The following NSRP1 variants were observed in gnomAD, a reference collection of about 807,000 sequenced individuals.
NSRP1 encodes the protein nuclear speckle splicing regulatory protein 1.
In NSRP1, 24 loss-of-function variants were observed where a neutral mutation model predicts 54.7. That is an observed-to-expected ratio of 0.44 (90% CI 0.32 to 0.62). The LOEUF is 0.62. Ranked by LOEUF, NSRP1 falls within the 20% of genes least tolerant of loss-of-function variation. NSRP1 has a pLI of 0.06. For missense variants in NSRP1, 596 were observed against 651.2 expected, an observed-to-expected ratio of 0.92 and a Z score of 0.92; for synonymous variants, 210 against 213.8, an observed-to-expected ratio of 0.98 and a Z score of 0.15.
intron 2 of NSRP1, among the ~76,000 whole-genome samples, chr17:30,129,549 A>G (rs185601179): frequency 4.4e-4 from 67 of 152,272 alleles, no homozygotes; most frequent in African/African-American, 1.6e-3. Context: ...ATCTTTTTAA[A>G]AATTTTCTTG....
At chr17:30,127,995 T>C (rs1294113149) in intron 2 of NSRP1, 2 of 395,744 alleles carry the variant, frequency 5.1e-6, no homozygotes, top group Non-Finnish European at 8.9e-6. Flanking sequence ...CCACCATGCC[T>C]GGCTAATTTT....
intron 3 of NSRP1, 114 bp from the exon 4 acceptor site, chr17:30,177,957 G>A (rs1193434714): frequency 2.5e-6 from 3 of 1,218,768 alleles, no homozygotes; most frequent in Admixed American, 3.7e-5. Flanking sequence ...CTAAAAATGT[G>A]ATTGTAATTT....
intron 2 of NSRP1, among the ~76,000 whole-genome samples, chr17:30,132,821 T>C (rs2071713561): frequency 6.6e-6 from 1 of 152,238 alleles, no homozygotes; most frequent in Non-Finnish European, 1.5e-5. Context: ...CCTCCACCCA[T>C]GAATCACAAG....
chr17:30,162,262 C>T (rs1904546377), intron 2 of NSRP1, among the ~76,000 whole-genome samples: 1 of 152,168 alleles, frequency 6.6e-6, no homozygotes, highest in Admixed American at 6.5e-5. Context: ...GATCTCCCAA[C>T]CTCATGATCC....
At chr17:30,134,814 A>G (rs1313508264) in intron 2 of NSRP1, among the ~76,000 whole-genome samples, 1 of 152,220 alleles carries the variant, frequency 6.6e-6, no homozygotes, top group Non-Finnish European at 1.5e-5. Context: ...ACTGGCAAAG[A>G]TCAGGTTGAC....
chr17:30,176,451 A>T (rs1905128386), intron 3 of NSRP1, among the ~76,000 whole-genome samples: 1 of 152,042 alleles, frequency 6.6e-6, no homozygotes, highest in Non-Finnish European at 1.5e-5. Flanking sequence ...TCTACTAAAA[A>T]TACAAAAAAT....
intron 1 of NSRP1, chr17:30,117,404 C>T: frequency 4.3e-6 from 2 of 459,806 alleles, no homozygotes; most frequent in South Asian, 4.7e-5. Flanking sequence ...GAAAGTTTTA[C>T]CTTTGATGTG....
intron 2 of NSRP1, among the ~76,000 whole-genome samples, chr17:30,162,083 G>A (rs866555295): frequency 4.0e-5 from 6 of 149,612 alleles, no homozygotes; most frequent in South Asian, 2.1e-4. Context: ...GTGCAGTGGC[G>A]CAGTCTCAGC....
chr17:30,137,667 C>T (rs1011494108), intron 2 of NSRP1, among the ~76,000 whole-genome samples: 25 of 152,154 alleles, frequency 1.6e-4, no homozygotes, highest in African/African-American at 6.0e-4. Context: ...AGTTGCTAAA[C>T]ATTTTAATTA....
At chr17:30,117,938 A>C (rs1318297670) in intron 1 of NSRP1, 142 bp from the exon 2 acceptor site, 2 of 618,748 alleles carry the variant, frequency 3.2e-6, no homozygotes, top group South Asian at 2.3e-5. Context: ...GAGATCACTG[A>C]GAAGCAAAAA....
chr17:30,163,679 CTTTTTT>C (rs370423700), intron 2 of NSRP1, among the ~76,000 whole-genome samples: 8 of 90,876 alleles, frequency 8.8e-5, no homozygotes, highest in African/African-American at 1.6e-4. Context: ...ACTTTGACCA[CTTTTTT>C]TTTTTTTTTT....
intron 4 of NSRP1, 23 bp from the exon 5 acceptor site, chr17:30,179,067 C>T: frequency 1.4e-6 from 2 of 1,384,650 alleles, no homozygotes; most frequent in East Asian, 2.5e-5. Context: ...TACTCTTTTC[C>T]TAAATCTTTT....
intron 2 of NSRP1, among the ~76,000 whole-genome samples, chr17:30,171,966 ACACACACTCC>A (rs1472192951): frequency 7.7e-6 from 1 of 129,152 alleles, no homozygotes; most frequent in African/African-American, 2.9e-5. Flanking sequence ...ACACACACAC[ACACACACTCC>A]CTCTCTCTCT....
At chr17:30,122,351 T>TATATATATATA (rs1567788455) in intron 2 of NSRP1, 12 of 48,324 alleles carry the variant, frequency 2.5e-4, no homozygotes, top group African/African-American at 1.2e-3. Context: ...AACTCTGGTT[T>TATATATATATA]CATATATATA....
At chr17:30,175,309 C>G (rs1905090428) in intron 3 of NSRP1, among the ~76,000 whole-genome samples, 1 of 152,146 alleles carries the variant, frequency 6.6e-6, no homozygotes, top group African/African-American at 2.4e-5. Flanking sequence ...TTTGACCCAT[C>G]TATTATTAAT....
At chr17:30,143,117 CA>C in intron 2 of NSRP1, among the ~76,000 whole-genome samples, 1 of 152,262 alleles carries the variant, frequency 6.6e-6, no homozygotes, top group Non-Finnish European at 1.5e-5. Flanking sequence ...TGATATTACC[CA>C]TTCCAACTTT....
chr17:30,136,954 A>G (rs2071756178), intron 2 of NSRP1, among the ~76,000 whole-genome samples: 2 of 152,158 alleles, frequency 1.3e-5, no homozygotes, highest in African/African-American at 2.4e-5. Context: ...AAACTCTTCT[A>G]TTACTTGTAA....
chr17:30,176,606 T>TC (rs1555583104), intron 3 of NSRP1, among the ~76,000 whole-genome samples: 4,023 of 81,488 alleles, frequency 0.049, 107 homozygotes, highest in Non-Finnish European at 0.077. Context: ...CAAGACTTCG[T>TC]CCCCCCCCCC....
At chr17:30,176,869 T>G (rs546505866) in intron 3 of NSRP1, among the ~76,000 whole-genome samples, 2 of 152,310 alleles carry the variant, frequency 1.3e-5, no homozygotes, top group African/African-American at 4.8e-5. Flanking sequence ...TGTGCATTAT[T>G]CAGAGTTTAA....
Sources: gnomAD v4.1 joint callset for allele counts (sites outside exome capture counted in the v4.1 genomes callset) on GRCh38, gnomAD v4.1.1 for gene constraint, MANE v1.5 for transcripts, NCBI Gene and HGNC (gene_info 2026-07-23, HGNC 2026-07-21) for gene names.